Variants in ADAMTSL3 observed in about 807,000 individuals in gnomAD.
The protein encoded by ADAMTSL3 is ADAMTS-like protein 3.
ADAMTSL3 carries 128 observed loss-of-function variants against 201.7 expected under a neutral mutation model. The ratio of observed to expected loss-of-function variants is 0.63; its 90% confidence interval spans 0.55 to 0.73. The LOEUF is 0.73. Ranked by LOEUF, ADAMTSL3 falls within the 30% of genes least tolerant of loss-of-function variation. The probability of loss-of-function intolerance (pLI) is 0.00; values close to 1 mark genes in which losing one functional copy is unlikely to be tolerated. For synonymous variants in ADAMTSL3, 738 were observed against 748.4 expected (o/e 0.99, Z 0.23); for missense variants, 1,990 against 2,119.6 (o/e 0.94, Z 1.20).
chr15:83,723,182 T>G (rs1567099727), intron 3 of ADAMTSL3, among the ~76,000 whole-genome samples: 1 of 152,206 alleles, frequency 6.6e-6, no homozygotes, highest in African/African-American at 2.4e-5. Flanking sequence ...GACTGGTTAA[T>G]AATCATATGG....
At chr15:83,909,668 G>A (rs577129246) in intron 15 of ADAMTSL3, among the ~76,000 whole-genome samples, 87 of 152,092 alleles carry the variant, frequency 5.7e-4, no homozygotes, top group African/African-American at 2.0e-3. Flanking sequence ...AGGCTGGAGT[G>A]CAGTGGTGTG....
At chr15:83,976,586 G>T (rs1379757640) in intron 20 of ADAMTSL3, among the ~76,000 whole-genome samples, 1 of 151,756 alleles carries the variant, frequency 6.6e-6, no homozygotes, top group Non-Finnish European at 1.5e-5. Context: ...CCCATCCGGG[G>T]TTGATGAGAG....
chr15:83,680,392 G>C (rs950289145), intron 2 of ADAMTSL3, among the ~76,000 whole-genome samples: 10 of 151,918 alleles, frequency 6.6e-5, no homozygotes, highest in African/African-American at 2.4e-4. Context: ...GGGCAAGGGG[G>C]ACATGAGTAT....
At position 83,897,853 on chromosome 15, in the gene ADAMTSL3, T is replaced by G. The variant is rs769848232; in HGVS notation, c.1468-5T>G. ...ATGCGTTGGCTTCTCTTTTCTTCTT[T>G]GAAGTGCACAGTGACTTGTGGCCGA... On this transcript the variant is annotated splice_region_variant and splice_polypyrimidine_tract_variant and intron_variant, in intron 13 of 29. Coordinates refer to ENST00000286744, the MANE Select transcript of ADAMTSL3 (RefSeq NM_207517.3). 5 of 1,583,294 alleles carry G rather than the reference T, an allele frequency of 3.2e-6. No individual in the cohort carries two copies. Among genetic ancestry groups the G allele is most frequent in the Non-Finnish European group, 4.3e-6 (5 of 1,163,390 alleles).
At chr15:83,971,897 A>T (rs1306681632) in intron 20 of ADAMTSL3, among the ~76,000 whole-genome samples, 2 of 148,368 alleles carry the variant, frequency 1.3e-5, no homozygotes, top group African/African-American at 4.9e-5. Flanking sequence ...TGTCTTTTAT[A>T]TATATGTTTT....
At chr15:83,935,378 A>G (rs1433324317) in intron 17 of ADAMTSL3, among the ~76,000 whole-genome samples, 3 of 152,158 alleles carry the variant, frequency 2.0e-5, no homozygotes, top group Non-Finnish European at 4.4e-5. Context: ...TTAAAAAATA[A>G]TGATATTAAA....
At position 83,668,125 on chromosome 15, in the gene ADAMTSL3, T is replaced by C. The variant is rs182330383; in HGVS notation, c.69+12295T>C. Among the ~76,000 whole-genome samples the C allele has an allele frequency of 7.5e-3, 1,140 of 152,090 alleles. 10 individuals are homozygous for C. The highest frequency in any genetic ancestry group is 0.01 in the Non-Finnish European group (684 of 67,996). ...AAAATAAGTGCCATGGAATAAGCAA[T>C]TGGGAACATGCTAGACAAAATATAC... On this transcript the variant is annotated intron_variant, in intron 2 of 29. Coordinates refer to ENST00000286744, the MANE Select transcript of ADAMTSL3 (RefSeq NM_207517.3).
At chr15:83,922,413 G>C (rs1225472189) in intron 16 of ADAMTSL3, among the ~76,000 whole-genome samples, 4 of 152,062 alleles carry the variant, frequency 2.6e-5, no homozygotes, top group Admixed American at 2.0e-4. Flanking sequence ...AATAGTCTCT[G>C]TAATAAAAAT....
At chr15:83,857,094 A>G (rs143498451) in intron 7 of ADAMTSL3, among the ~76,000 whole-genome samples, 6 of 152,182 alleles carry the variant, frequency 3.9e-5, no homozygotes, top group Non-Finnish European at 5.9e-5. Flanking sequence ...GAGCATTTTC[A>G]TGTGCTTATT....
chr15:83,801,692 A>ATATATATGTATG (rs1555445626), intron 4 of ADAMTSL3, among the ~76,000 whole-genome samples: 5 of 86,204 alleles, frequency 5.8e-5, no homozygotes, highest in African/African-American at 2.1e-4. Flanking sequence ...ATATATATAT[A>ATATATATGTATG]TATGTATGTA....
chr15:83,898,036 C>A, intron 14 of ADAMTSL3, 31 bp downstream of exon 14: 2 of 1,582,684 alleles, frequency 1.3e-6, no homozygotes, highest in South Asian at 1.1e-5. Context: ...AAATTCAAAT[C>A]AAATGGTATT....
At chr15:83,822,004 C>CA (rs2063879387) in intron 6 of ADAMTSL3, among the ~76,000 whole-genome samples, 14 of 143,072 alleles carry the variant, frequency 9.8e-5, no homozygotes, top group Admixed American at 9.5e-4. Context: ...GGTTGCTGAC[C>CA]TCCCCCACCT....
rs1342540264 is a variant in ADAMTSL3 at position 83,983,220 on chromosome 15, A to G, written c.3592A>G (p.Ile1198Val). 1 of 1,613,964 alleles carries G rather than the reference A, an allele frequency of 6.2e-7. No homozygotes were observed. The highest frequency in any genetic ancestry group is 8.5e-7 in the Non-Finnish European group (1 of 1,179,988). The change falls in exon 21 of 30, where the codon ATT becomes GTT. Residue 1198 changes from isoleucine (I) to valine (V), a missense_variant. Physicochemically the swap from Ile to Val is conservative, Grantham distance 29. Coordinates refer to ENST00000286744, the MANE Select transcript of ADAMTSL3 (RefSeq NM_207517.3). ...ATTTAATAAAACAATAAATTCCAGG[A>G]TTGGAAATACAGTATACATTACAAA... The part of the protein sequence containing the change: ...ISFNKTINSR[I>V]GNTVYITKRT...
chr15:83,801,904 A>T (rs924923490), intron 4 of ADAMTSL3, among the ~76,000 whole-genome samples: 2 of 151,414 alleles, frequency 1.3e-5, no homozygotes, highest in Non-Finnish European at 2.9e-5. Flanking sequence ...GAAACACACG[A>T]CTGGATACAT....
chr15:83,699,113 T>C (rs755831842), intron 2 of ADAMTSL3, among the ~76,000 whole-genome samples: 6 of 152,048 alleles, frequency 3.9e-5, no homozygotes, highest in Non-Finnish European at 7.4e-5. Flanking sequence ...TAAATATACA[T>C]ACATACATAC....
chr15:83,687,025 TACAAACAAACAA>T (rs58242834), intron 2 of ADAMTSL3, among the ~76,000 whole-genome samples: 4,548 of 149,788 alleles, frequency 0.03, 83 homozygotes, highest in Middle Eastern at 0.048. Flanking sequence ...ACCCTGTCTC[TACAAACAAACAA>T]ACAAACAAAC....
chr15:83,942,770 C>T lies in ADAMTSL3; in HGVS notation c.2292C>T (p.His764=). 6.2e-7 allele frequency: 1 copy of T among 1,613,570 alleles called. No individual in the cohort carries two copies. The highest frequency in any genetic ancestry group is 8.5e-7 in the Non-Finnish European group (1 of 1,179,770). ...AGTTTGACTGCCCTCCTGGCTGGCA[C>T]ATTGAAGAATGGCAGCAGGTAGGGC... is the stretch of plus-strand genomic sequence containing the variant. ...CNQFDCPPGW[H]IEEWQQCSRT... Residue 764 remains histidine, a synonymous_variant, in exon 18 of 30, where the codon CAC becomes CAT. Transcript: ENST00000286744.
chr15:83,808,064 C>T (rs375517145), intron 5 of ADAMTSL3, among the ~76,000 whole-genome samples: 4 of 152,184 alleles, frequency 2.6e-5, no homozygotes, highest in East Asian at 3.9e-4. Flanking sequence ...TGCTTCATGA[C>T]GTTGGACTGG....
chr15:83,753,612 A>G (rs2062673038), intron 3 of ADAMTSL3, among the ~76,000 whole-genome samples: 1 of 152,206 alleles, frequency 6.6e-6, no homozygotes, highest in Non-Finnish European at 1.5e-5. Flanking sequence ...AGAAAAGTCG[A>G]AAAAGAATTT....
Sources: gnomAD v4.1 joint callset for allele counts (sites outside exome capture counted in the v4.1 genomes callset) on GRCh38, gnomAD v4.1.1 for gene constraint, MANE v1.5 for transcripts, NCBI Gene and HGNC (gene_info 2026-07-23, HGNC 2026-07-21) for gene names.